Variants in ABCC3 observed in about 807,000 individuals in gnomAD.
ABCC3 encodes the protein ATP-binding cassette sub-family C member 3.
A neutral mutation model predicts 165.3 loss-of-function variants in ABCC3; 121 were observed. The observed-to-expected ratio is 0.73, with a 90% CI of 0.63 to 0.85. ABCC3 has a LOEUF of 0.85. Among genes scored for constraint, ABCC3 ranks in the 40% least tolerant of loss-of-function variants. The pLI is 0.00. For synonymous variants in ABCC3, 733 were observed against 810.1 expected (o/e 0.90, Z 1.62); for missense variants, 1,869 against 1,964.1 (o/e 0.95, Z 0.92).
At chr17:50,663,346 A>G in intron 8 of ABCC3, 1 of 325,174 alleles carries the variant, frequency 3.1e-6, no homozygotes, top group Admixed American at 4.4e-5. Flanking sequence ...GAGAAGGAGC[A>G]GGGAAGTCCA....
chr17:50,657,319 T>C (rs1967274196), intron 4 of ABCC3, 136 bp downstream of exon 4: 1 of 1,225,848 alleles, frequency 8.2e-7, no homozygotes. Context: ...GTTCTCCACT[T>C]GCTACATTTC....
chr17:50,674,435 ATGGAT>A (rs1296955179), intron 19 of ABCC3: 4 of 152,248 alleles, frequency 2.6e-5, no homozygotes, highest in Non-Finnish European at 5.9e-5. Context: ...AGGCTGCTTC[ATGGAT>A]AAATAGTTTG....
At position 50,683,773 on chromosome 17, in the gene ABCC3, C is replaced by T. The variant is rs372797463; in HGVS notation, c.3954+17C>T. On this transcript the variant is annotated intron_variant, in intron 27 of 30. Coordinates refer to ENST00000285238, the MANE Select transcript of ABCC3 (RefSeq NM_003786.4). The stretch of plus-strand genomic sequence containing the variant: ...GGCGAGAAGGTACGCGTGGGGTAGG[C>T]GGGCCTGCGTGTGTGTTCATGCCTG... The T allele has an allele frequency of 3.1e-5, 49 of 1,597,496 alleles. 1 individual carries two copies. The highest frequency in any genetic ancestry group is 2.2e-4 in the South Asian group (20 of 89,216).
At chr17:50,650,584 C>T (rs1967096103) in intron 1 of ABCC3, among the ~76,000 whole-genome samples, 6 of 152,192 alleles carry the variant, frequency 3.9e-5, no homozygotes, top group Admixed American at 3.9e-4. Flanking sequence ...AGTCATTTCA[C>T]TTTAGGACAA....
chr17:50,669,040 G>T, intron 15 of ABCC3, 100 bp from the exon 16 acceptor site: 3 of 1,594,154 alleles, frequency 1.9e-6, no homozygotes, highest in East Asian at 2.2e-5. Flanking sequence ...TGCCAGGGGG[G>T]TGTCTGGAAG....
chr17:50,673,510 G>A lies in ABCC3; in HGVS notation c.2451G>A (p.Gln817=). 2.5e-6 allele frequency: 4 copies of A among 1,614,190 alleles called. No individual in the cohort carries two copies. Among genetic ancestry groups the A allele is most frequent in the Admixed American group, 3.3e-5 (2 of 60,022 alleles). Residue 817 remains glutamine (Q), a synonymous_variant, in exon 19 of 31, where the codon CAG becomes CAA. Coordinates refer to ENST00000285238, the MANE Select transcript of ABCC3 (RefSeq NM_003786.4). ...LVTHGISFLP[Q]TDFIIVLADG... is the part of the protein sequence containing the mutation. Reference sequence around the variant, plus strand: ...CGCACGGCATTAGCTTCCTGCCCCAGACAGACTTCATCATTGTGCTAGCTG... The same window carrying A: ...CGCACGGCATTAGCTTCCTGCCCCAAACAGACTTCATCATTGTGCTAGCTG...
intron 26 of ABCC3, 75 bp downstream of exon 26, chr17:50,679,974 C>A: frequency 8.4e-7 from 1 of 1,191,206 alleles, no homozygotes; most frequent in Non-Finnish European, 1.2e-6. Context: ...CTCTCTCTCC[C>A]TCAACATCAG....
Position 50,679,903 on chromosome 17 carries a change from G to A in ABCC3, c.3807+4G>A, listed in dbSNP as rs1361967510. The A allele has an allele frequency of 6.2e-7, 1 of 1,612,196 alleles. No individual in the cohort carries two copies. Among genetic ancestry groups the A allele is most frequent in the Admixed American group, 1.7e-5 (1 of 60,010 alleles). On this transcript the variant is annotated splice_donor_region_variant and intron_variant, in intron 26 of 30. Transcript: ENST00000285238. ...GTACTCCAAGACAGAGACAGAGGTG[G>A]GTACTGGCATGAGCCCGGGACAGGG... is the stretch of plus-strand genomic sequence containing the variant.
intron 15 of ABCC3, 73 bp from the exon 16 acceptor site, chr17:50,669,067 C>T (rs898719110): frequency 6.9e-6 from 11 of 1,592,862 alleles, no homozygotes; most frequent in Non-Finnish European, 9.4e-6. Flanking sequence ...GGGCTTGGTT[C>T]TGCAGGTGGA....
rs750015866 is a variant in ABCC3 at position 50,677,933 on chromosome 17, A to T, written c.3568A>T (p.Ile1190Phe). 1.3e-5 allele frequency: 21 copies of T among 1,613,998 alleles called. No homozygotes were observed. Among genetic ancestry groups the T allele is most frequent in the Non-Finnish European group, 1.8e-5 (21 of 1,180,006 alleles). The change falls in exon 24 of 31, where the codon ATC becomes TTC. Residue 1190 changes from isoleucine to phenylalanine, a missense_variant. Coordinates refer to ENST00000285238, the MANE Select transcript of ABCC3 (RefSeq NM_003786.4). ...ANQRSCYPYI[I>F]SNRWLSIGVE... ...CCAGAGAAGCTGCTACCCCTACATC[A>T]TCTCCAACCGGTCAGAAGCCGCCTC...
chr17:50,640,830 G>T (rs1160885626), intron 1 of ABCC3, among the ~76,000 whole-genome samples: 1 of 152,100 alleles, frequency 6.6e-6, no homozygotes. Flanking sequence ...CTGCCCCCAG[G>T]CCTTCCAAAG....
intron 1 of ABCC3, among the ~76,000 whole-genome samples, chr17:50,644,603 T>C (rs181002782): frequency 6.6e-6 from 1 of 152,070 alleles, no homozygotes; most frequent in Non-Finnish European, 1.5e-5. Context: ...TCCTAGCTAC[T>C]TGGGAGGCTG....
chr17:50,683,694 T>C lies in ABCC3; in HGVS notation c.3892T>C (p.Tyr1298His). Reference sequence around the variant, plus strand: ...GGAGTTCCGGAATTATTCTGTGCGCTACCGGCCGGGCCTAGACCTGGTGCT... The same window carrying C: ...GGAGTTCCGGAATTATTCTGTGCGCCACCGGCCGGGCCTAGACCTGGTGCT... ...EVEFRNYSVR[Y>H]RPGLDLVLRD... Residue 1298 changes from tyrosine to histidine, a missense_variant, in exon 27 of 31, where the codon TAC becomes CAC. By Grantham distance (83) the Tyr-to-His change is moderately conservative (BLOSUM62 2). Coordinates refer to ENST00000285238, the MANE Select transcript of ABCC3 (RefSeq NM_003786.4). The C allele has an allele frequency of 1.9e-6, 3 of 1,608,196 alleles. No individual in the cohort carries two copies. The highest frequency in any genetic ancestry group is 1.1e-5 in the South Asian group (1 of 90,546).
At position 50,668,874 on chromosome 17, in the gene ABCC3, G is replaced by T. The variant is rs992229942; in HGVS notation, c.1892G>T (p.Ser631Ile). The part of the protein sequence containing the change: ...ISPGYAITIH[S>I]GTFTWAQDLP... ...TCAGGCTATGCCATCACCATACACA[G>T]TGGCACCTTCACCTGGGCCCAGGAC... The change falls in exon 15 of 31, where the codon AGT (serine) becomes ATT (isoleucine). Residue 631 changes from serine (S) to isoleucine (I), a missense_variant. Coordinates refer to ENST00000285238, the MANE Select transcript of ABCC3 (RefSeq NM_003786.4). 6.2e-6 allele frequency: 10 copies of T among 1,613,730 alleles called. No individual in the cohort carries two copies. Among genetic ancestry groups the T allele is most frequent in the Non-Finnish European group, 8.5e-6 (10 of 1,179,938 alleles).
chr17:50,668,630 A>T (rs1245516274), intron 14 of ABCC3, 113 bp downstream of exon 14: 2 of 912,602 alleles, frequency 2.2e-6, no homozygotes, highest in Non-Finnish European at 3.4e-6. Flanking sequence ...CTCTGTTCAC[A>T]TCTGCTTCGA....
intron 28 of ABCC3, among the ~76,000 whole-genome samples, chr17:50,684,396 T>C (rs570950103): frequency 3.3e-5 from 5 of 152,140 alleles, no homozygotes; most frequent in African/African-American, 1.2e-4. Context: ...CTGGTCTTTT[T>C]GCGCAGCTCT....
intron 30 of ABCC3, among the ~76,000 whole-genome samples, chr17:50,690,759 C>T (rs1043243931): frequency 2.6e-5 from 4 of 152,246 alleles, no homozygotes; most frequent in Non-Finnish European, 5.9e-5. Flanking sequence ...GTGCACAGAG[C>T]CCAGCGCACA....
chr17:50,656,683 A>G lies in ABCC3; in HGVS notation c.223-19A>G, dbSNP rs1236900900. The G allele has an allele frequency of 2.5e-6, 4 of 1,601,578 alleles. 1 individual carries two copies. The African/African-American group carries it at 5.4e-5, about 22-fold the overall frequency. ...CTTGCCTCTGGGGATGCGGATTCCA[A>G]CCTGTGCTCTCTTCGCAGGTCCTGG... On this transcript the variant is annotated intron_variant, in intron 2 of 30. Coordinates refer to ENST00000285238, the MANE Select transcript of ABCC3 (RefSeq NM_003786.4).
rs555077551 is a variant in ABCC3 at position 50,678,360 on chromosome 17, A to G, written c.3705+141A>G. ...TGTTCTCAAGGACTGTGAGAAAAAA[A>G]AAAAAAGAAAAAAATCATTGAGTTG... On this transcript the variant is annotated intron_variant, in intron 25 of 30. Transcript: ENST00000285238. 14 of 916,726 alleles carry G rather than the reference A, an allele frequency of 1.5e-5. No homozygotes were observed. The East Asian group carries it at 2.4e-4, about 16-fold the overall frequency. The allele number at this position is 916,726 out of a possible 1,614,324, so 56.8% of individuals were successfully genotyped here.
Sources: gnomAD v4.1 joint callset for allele counts (sites outside exome capture counted in the v4.1 genomes callset) on GRCh38, gnomAD v4.1.1 for gene constraint, MANE v1.5 for transcripts, NCBI Gene and HGNC (gene_info 2026-07-23, HGNC 2026-07-21) for gene names.